The following ODAD2 variants were observed in gnomAD, a reference collection of about 807,000 sequenced individuals.
The protein encoded by ODAD2 is outer dynein arm docking complex subunit 2.
In ODAD2, 89 loss-of-function variants were observed where a neutral mutation model predicts 106.8. The observed-to-expected ratio is 0.83, with a 90% CI of 0.70 to 0.99. The LOEUF is 0.99. ODAD2 is among the 50% of genes least tolerant of loss of function. The pLI is 0.00. For missense variants in ODAD2, 1,168 were observed against 1,238.5 expected (o/e 0.94, Z 0.85); for synonymous variants, 404 against 436.2 (o/e 0.93, Z 0.92).
chr10:27,915,465 C>G (rs979875057), intron 16 of ODAD2, among the ~76,000 whole-genome samples: 13 of 152,108 alleles, frequency 8.5e-5, no homozygotes, highest in Admixed American at 8.5e-4. Context: ...GCATTAATTT[C>G]ATTTATGAGG....
At chr10:27,869,475 T>TA (rs949498769) in intron 17 of ODAD2, among the ~76,000 whole-genome samples, 35 of 147,024 alleles carry the variant, frequency 2.4e-4, no homozygotes, top group East Asian at 1.4e-3. Context: ...CTTCTGGACT[T>TA]AAAAAAAAAA....
At chr10:27,905,620 T>C (rs1026379242) in intron 17 of ODAD2, among the ~76,000 whole-genome samples, 24 of 152,146 alleles carry the variant, frequency 1.6e-4, no homozygotes, top group African/African-American at 5.6e-4. Flanking sequence ...CAAACTATAC[T>C]ACAAGGCTAC....
At chr10:27,863,424 G>A (rs569822076) in intron 17 of ODAD2, among the ~76,000 whole-genome samples, 14 of 152,172 alleles carry the variant, frequency 9.2e-5, no homozygotes, top group African/African-American at 1.4e-4. Context: ...AGCTGAGAAC[G>A]TGTGCATTGG....
chr10:27,956,445 G>A (rs1847741182), intron 10 of ODAD2, among the ~76,000 whole-genome samples: 1 of 152,128 alleles, frequency 6.6e-6, no homozygotes, highest in African/African-American at 2.4e-5. Context: ...AGACCGCCTG[G>A]ATGAAGCATT....
At chr10:27,995,349 C>A (rs1248926932) in intron 1 of ODAD2, among the ~76,000 whole-genome samples, 169 bp from the exon 2 acceptor site, 3 of 152,154 alleles carry the variant, frequency 2.0e-5, no homozygotes, top group Non-Finnish European at 4.4e-5. Flanking sequence ...AAGTAGTAAA[C>A]CAGCACTAGA....
chr10:27,958,980 A>G (rs1276773456), intron 10 of ODAD2: 2 of 1,303,654 alleles, frequency 1.5e-6, no homozygotes, highest in South Asian at 2.5e-5. Flanking sequence ...TTGCTAATGA[A>G]ATAAAGATAA....
intron 17 of ODAD2, among the ~76,000 whole-genome samples, chr10:27,880,458 T>A (rs2133555975): frequency 6.6e-6 from 1 of 152,274 alleles, no homozygotes; most frequent in African/African-American, 2.4e-5. Context: ...CCTGGAGAGT[T>A]TTTAAAACTT....
At chr10:27,907,627 G>T (rs779819331) in intron 17 of ODAD2, 36 bp downstream of exon 17, 2 of 1,451,516 alleles carry the variant, frequency 1.4e-6, no homozygotes, top group Non-Finnish European at 1.9e-6. Flanking sequence ...TAGTATTAGA[G>T]ATTCTAGAAG....
At chr10:27,994,014 G>A (rs1340554087) in intron 2 of ODAD2, among the ~76,000 whole-genome samples, 1 of 140,232 alleles carries the variant, frequency 7.1e-6, no homozygotes, top group Non-Finnish European at 1.6e-5. Context: ...GTGTGTATTT[G>A]TTAGCTTACT....
At chr10:27,920,053 A>T (rs1844662605) in intron 16 of ODAD2, among the ~76,000 whole-genome samples, 3 of 151,966 alleles carry the variant, frequency 2.0e-5, no homozygotes, top group Admixed American at 2.0e-4. Flanking sequence ...TCAAGTATAA[A>T]ATTATGAAAA....
rs74615463 is a variant in ODAD2 at position 27,898,836 on chromosome 10, T to G, written c.2610+8827A>C. On this transcript the variant is annotated intron_variant, in intron 17 of 19. Transcript: ENST00000305242. ...TGATTCCAGTAAGGATTTGAGATCT[T>G]TTTAATTTTTTGGCTGTGATAACAA... 2.0e-5 allele frequency among the ~76,000 whole-genome samples: 3 copies of G among 152,272 alleles called. No homozygotes were observed. In the East Asian group the frequency reaches 5.8e-4, roughly 29 times the overall value.
intron 16 of ODAD2, among the ~76,000 whole-genome samples, chr10:27,925,941 G>T (rs755852380): frequency 2.0e-5 from 3 of 151,134 alleles, no homozygotes; most frequent in Non-Finnish European, 4.4e-5. Flanking sequence ...GGGATGCAAG[G>T]GTTGCAGTGA....
chr10:27,990,760 T>C (rs1375058942), intron 2 of ODAD2, among the ~76,000 whole-genome samples: 1 of 152,144 alleles, frequency 6.6e-6, no homozygotes, highest in Non-Finnish European at 1.5e-5. Flanking sequence ...AAGGTATAAA[T>C]TGTGTGTGAA....
At chr10:27,947,045 G>T (rs779674180) in intron 10 of ODAD2, among the ~76,000 whole-genome samples, 1 of 152,168 alleles carries the variant, frequency 6.6e-6, no homozygotes, top group Non-Finnish European at 1.5e-5. Context: ...AGAATGACAA[G>T]AGCCTTAATT....
rs1012390138 is a variant in ODAD2, at chr10:27,907,782, C to T, written c.2496-5G>A. On this transcript the variant is annotated splice_polypyrimidine_tract_variant and splice_region_variant and intron_variant, in intron 16 of 19. Transcript: ENST00000305242. ...CCATCTAAGCGATCAATTATCCTAT[C>T]GTGGAACCCAAAATCATGATATAAA... The T allele has an allele frequency of 3.1e-6, 5 of 1,593,904 alleles. No homozygotes were observed. Among genetic ancestry groups the T allele is most frequent in the African/African-American group, 1.3e-5 (1 of 74,628 alleles).
chr10:27,867,286 T>C (rs1278201587), intron 17 of ODAD2, among the ~76,000 whole-genome samples: 1 of 152,138 alleles, frequency 6.6e-6, no homozygotes, highest in East Asian at 1.9e-4. Flanking sequence ...CAGAAGCAGC[T>C]GCGAATGGAC....
At chr10:27,998,069 G>A (rs1343855950) in intron 1 of ODAD2, among the ~76,000 whole-genome samples, 1 of 152,188 alleles carries the variant, frequency 6.6e-6, no homozygotes, top group Non-Finnish European at 1.5e-5. Context: ...TTAGTGAAAT[G>A]AAACCCATTC....
intron 9 of ODAD2, among the ~76,000 whole-genome samples, chr10:27,963,166 T>A (rs1343201846): frequency 6.6e-6 from 1 of 151,942 alleles, no homozygotes; most frequent in African/African-American, 2.4e-5. Context: ...CGCCACCACA[T>A]CTGGCTAATT....
intron 5 of ODAD2, 79 bp from the exon 6 acceptor site, chr10:27,984,058 A>T: frequency 6.5e-7 from 1 of 1,546,006 alleles, no homozygotes; most frequent in African/African-American, 1.4e-5. Context: ...CACAAAATAA[A>T]TATTGTGGAA....
Sources: allele counts gnomAD v4.1 joint callset (sites outside exome capture counted in the v4.1 genomes callset), GRCh38; gene constraint gnomAD v4.1.1; transcripts MANE v1.5; gene names NCBI Gene and HGNC (gene_info 2026-07-23, HGNC 2026-07-21).